Variants in CSMD3 observed in about 807,000 individuals in gnomAD.
The protein encoded by CSMD3 is CUB and sushi domain-containing protein 3.
CSMD3 carries 177 observed loss-of-function variants against 435.2 expected under a neutral mutation model. The ratio of observed to expected loss-of-function variants is 0.41; its 90% CI spans 0.36 to 0.46. CSMD3 has a LOEUF of 0.46. Ranked by LOEUF, CSMD3 falls within the 20% of genes least tolerant of loss-of-function variation. The pLI is 0.34. For synonymous variants in CSMD3, 1,656 were observed against 1,520.5 expected, an observed-to-expected ratio of 1.09 and a Z score of -2.07; for missense variants, 4,265 against 4,504.6, an observed-to-expected ratio of 0.95 and a Z score of 1.52.
At chr8:112,515,118 C>T (rs1263326155) in intron 28 of CSMD3, among the ~76,000 whole-genome samples, 2 of 152,034 alleles carry the variant, frequency 1.3e-5, no homozygotes, top group Admixed American at 6.6e-5. Flanking sequence ...TTTGTAATAG[C>T]AGATCTCAGA....
At chr8:112,366,490 C>G (rs1344076436) in intron 38 of CSMD3, among the ~76,000 whole-genome samples, 1 of 152,112 alleles carries the variant, frequency 6.6e-6, no homozygotes, top group African/African-American at 2.4e-5. Flanking sequence ...CTCTGCCTCC[C>G]GGGTTCAAGG....
At chr8:113,075,338 GA>G (rs1345049184) in intron 5 of CSMD3, among the ~76,000 whole-genome samples, 1 of 151,668 alleles carries the variant, frequency 6.6e-6, no homozygotes, top group Non-Finnish European at 1.5e-5. Context: ...TATTTGGGGG[GA>G]AAGCATTAAT....
At chr8:112,800,306 G>A (rs761079594) in intron 12 of CSMD3, 32 bp from the exon 13 acceptor site, 6 of 1,337,700 alleles carry the variant, frequency 4.5e-6, no homozygotes, top group South Asian at 1.2e-5. Context: ...AGGGAGAGAT[G>A]GGTTATTAAA....
intron 4 of CSMD3, among the ~76,000 whole-genome samples, chr8:113,168,542 A>AT (rs2092204998): frequency 6.7e-6 from 1 of 149,602 alleles, no homozygotes; most frequent in Non-Finnish European, 1.5e-5. Context: ...AAAAAAAAAA[A>AT]AAAAACTACA....
At chr8:112,623,808 G>GTCTA (rs1834268967) in intron 22 of CSMD3, among the ~76,000 whole-genome samples, 1 of 152,024 alleles carries the variant, frequency 6.6e-6, no homozygotes, top group Non-Finnish European at 1.5e-5. Flanking sequence ...AATTGCTAAT[G>GTCTA]TCTAGTTCAT....
At chr8:112,720,695 TGCCAA>T (rs755579998) in intron 13 of CSMD3, among the ~76,000 whole-genome samples, 21 of 152,206 alleles carry the variant, frequency 1.4e-4, no homozygotes, top group Non-Finnish European at 2.9e-4. Flanking sequence ...ACTTCCAACG[TGCCAA>T]GCACAGTGCC....
intron 13 of CSMD3, among the ~76,000 whole-genome samples, chr8:112,780,294 C>T (rs984500542): frequency 1.3e-5 from 2 of 151,964 alleles, no homozygotes; most frequent in South Asian, 2.1e-4. Context: ...CTTATAGGAA[C>T]TATAAGAGAA....
intron 10 of CSMD3, among the ~76,000 whole-genome samples, chr8:112,874,070 A>T (rs899899820): frequency 2.0e-4 from 30 of 152,106 alleles, no homozygotes; most frequent in African/African-American, 6.8e-4. Flanking sequence ...CCCTTTAAAC[A>T]TTGCTTTAGC....
At chr8:112,921,598 G>A (rs551817730) in intron 10 of CSMD3, 29 bp downstream of exon 10, 1 of 1,586,420 alleles carries the variant, frequency 6.3e-7, no homozygotes, top group South Asian at 1.1e-5. Context: ...ATTAAAATGT[G>A]TTCAGAGGGC....
chr8:112,463,825 T>C (rs895596579), intron 32 of CSMD3, among the ~76,000 whole-genome samples: 5 of 152,160 alleles, frequency 3.3e-5, no homozygotes, highest in South Asian at 2.1e-4. Flanking sequence ...AGGGAAAATA[T>C]TGATACCCTG....
Position 112,341,563 on chromosome 8 carries a change from G to T in CSMD3, c.6566C>A (p.Ser2189Tyr). ...GGTTTCATGGGTGGTGCTGAATAAGGAAGATGGTATTTGAGGACCACTAAG... is the reference window on the plus strand; with the variant it reads ...GGTTTCATGGGTGGTGCTGAATAAGTAAGATGGTATTTGAGGACCACTAAG... Reference protein sequence around the residue: ...GRLSGPQIPSSLFSTTHETSL... With the variant: ...GRLSGPQIPSYLFSTTHETSL... Residue 2189 changes from serine to tyrosine, a missense_variant, in exon 42 of 71, where the codon TCC (serine) becomes TAC (tyrosine). This residue lies in a region of CSMD3 where 3,255 missense variants were observed against 3,380.2 expected (regional missense o/e 0.96). Transcript: ENST00000297405. 1 of 1,613,334 alleles carries T rather than the reference G, an allele frequency of 6.2e-7. No individual in the cohort carries two copies. Among genetic ancestry groups the T allele is most frequent in the Non-Finnish European group, 8.5e-7 (1 of 1,179,382 alleles).
chr8:113,282,296 G>C (rs1021820830), intron 2 of CSMD3, among the ~76,000 whole-genome samples: 2 of 151,950 alleles, frequency 1.3e-5, no homozygotes, highest in African/African-American at 4.8e-5. Flanking sequence ...GTAACTGTTT[G>C]CTGATGATAT....
Position 112,301,976 on chromosome 8 carries a change from G to GATAA in CSMD3, c.8267-14_8267-11dup, listed in dbSNP as rs1406487366. ...TCTCCACAGGAAATAACTTTAAAAT[G>GATAA]ATAAATAAATAAAAATCCTTAAAGA... On this transcript the variant is annotated splice_polypyrimidine_tract_variant and intron_variant, in intron 52 of 70. Transcript: ENST00000297405. 3 of 1,568,998 alleles carry GATAA rather than the reference G, an allele frequency of 1.9e-6. No individual in the cohort carries two copies. The highest frequency in any genetic ancestry group is 2.6e-6 in the Non-Finnish European group (3 of 1,140,368).
chr8:113,294,874 T>C (rs768833926), intron 2 of CSMD3, among the ~76,000 whole-genome samples: 33 of 152,092 alleles, frequency 2.2e-4, no homozygotes, highest in African/African-American at 6.8e-4. Flanking sequence ...TGCGGAGTCA[T>C]AGAAGCCAAG....
intron 1 of CSMD3, among the ~76,000 whole-genome samples, chr8:113,335,746 G>A (rs2094069205): frequency 6.6e-6 from 1 of 151,706 alleles, no homozygotes; most frequent in Non-Finnish European, 1.5e-5. Flanking sequence ...TGAGTAAAGT[G>A]TTCTATAAGT....
At position 113,179,818 on chromosome 8, in the gene CSMD3, T is replaced by TAA. The variant is rs201429196; in HGVS notation, c.515-5903_515-5902insTT. Among the ~76,000 whole-genome samples, 5 of 151,440 alleles carry TAA rather than the reference T, an allele frequency of 3.3e-5. No individual in the cohort carries two copies. In the South Asian group the frequency reaches 1.0e-3, roughly 31 times the overall value. On this transcript the variant is annotated intron_variant, in intron 3 of 70. Coordinates refer to ENST00000297405, the MANE Select transcript of CSMD3 (RefSeq NM_198123.2). ...GAAATAAAACTCTACCAAGAAATTT[T>TAA]TAAAAAAAAGTGTGTGATTAATACT...
At chr8:113,236,567 T>C (rs913027704) in intron 3 of CSMD3, among the ~76,000 whole-genome samples, 2 of 152,110 alleles carry the variant, frequency 1.3e-5, no homozygotes, top group Non-Finnish European at 2.9e-5. Context: ...TTCCTGCCCT[T>C]GGACATTAGA....
chr8:112,523,937 C>A (rs1476750090), intron 27 of CSMD3, among the ~76,000 whole-genome samples: 2 of 152,046 alleles, frequency 1.3e-5, no homozygotes, highest in African/African-American at 4.8e-5. Context: ...AACAAAGCTG[C>A]TTAATGCATG....
chr8:112,852,949 G>C (rs1191578611), intron 11 of CSMD3, among the ~76,000 whole-genome samples: 1 of 151,450 alleles, frequency 6.6e-6, no homozygotes, highest in Non-Finnish European at 1.5e-5. Context: ...TAAATAAATA[G>C]CAAGTGTTGT....
Sources: gnomAD v4.1 joint callset for allele counts (sites outside exome capture counted in the v4.1 genomes callset) on GRCh38, gnomAD v4.1.1 for gene constraint, gnomAD v4.1.1 regional missense constraint, MANE v1.5 for transcripts, NCBI Gene and HGNC (gene_info 2026-07-23, HGNC 2026-07-21) for gene names.